ZNF865: variants seen among roughly 807,000 people sequenced by gnomAD.
ZNF865 encodes the protein zinc finger protein 865.
For synonymous variants in ZNF865, 763 were observed against 750.8 expected, an observed-to-expected ratio of 1.02 and a Z score of -0.27; for missense variants, 1,311 against 1,593.4, an observed-to-expected ratio of 0.82 and a Z score of 3.02.
At chr19:55,608,046 T>C (rs925867989) in intron 1 of ZNF865, among the ~76,000 whole-genome samples, 3 of 152,172 alleles carry the variant, frequency 2.0e-5, no homozygotes, top group Non-Finnish European at 4.4e-5. Context: ...TTATAAATGA[T>C]GCTGAGCAGT....
At chr19:55,608,465 C>T (rs576606780) in intron 1 of ZNF865, among the ~76,000 whole-genome samples, 13 of 152,222 alleles carry the variant, frequency 8.5e-5, no homozygotes, top group Non-Finnish European at 1.9e-4. Context: ...CAGGCATGTG[C>T]CACCACGCCC....
At chr19:55,612,044 G>A (rs896392041) in intron 1 of ZNF865, among the ~76,000 whole-genome samples, 1 of 152,132 alleles carries the variant, frequency 6.6e-6, no homozygotes, top group Non-Finnish European at 1.5e-5. Context: ...CCCCACTAAG[G>A]GCAAGGATGG....
chr19:55,605,772 CG>C (rs1806993848), intron 1 of ZNF865, 40 bp downstream of exon 1: 1 of 128,250 alleles, frequency 7.8e-6, no homozygotes, highest in Non-Finnish European at 1.7e-5. Context: ...CCGGGTGCAG[CG>C]GGGGCGGGGG....
At position 55,614,888 on chromosome 19, in the gene ZNF865, A is replaced by C; in HGVS notation, c.1270A>C (p.Lys424Gln). The change falls in exon 2 of 2, where the codon AAG becomes CAG. Residue 424 changes from lysine to glutamine, a missense_variant. Lys to Gln is a moderately conservative substitution (Grantham distance 53). Transcript: ENST00000568956. This position sits in a 1 kb window ranked among gnomAD's most constrained non-coding sequence, Gnocchi z 8.0. ...KAFRDASYLL[K>Q]HQAAHAGAGA... ...CTTCCGCGACGCCTCCTACCTCCTCAAGCACCAGGCGGCCCACGCGGGGGC... is the reference window on the plus strand; with the variant it reads ...CTTCCGCGACGCCTCCTACCTCCTCCAGCACCAGGCGGCCCACGCGGGGGC... 1.3e-6 allele frequency: 2 copies of C among 1,500,800 alleles called. No individual in the cohort carries two copies. The highest frequency in any genetic ancestry group is 1.8e-6 in the Non-Finnish European group (2 of 1,129,004). 93.0% of individuals were successfully genotyped at this position (1,500,800 alleles called of 1,614,324 possible).
chr19:55,606,498 G>T (rs1980948419), intron 1 of ZNF865, among the ~76,000 whole-genome samples: 1 of 152,132 alleles, frequency 6.6e-6, no homozygotes, highest in African/African-American at 2.4e-5. Flanking sequence ...CCCTCATCGC[G>T]GTCAGCCCGT....
In ZNF865 at chr19:55,615,242, G is replaced by A. The variant is rs1180046283; in HGVS notation, c.1624G>A (p.Gly542Ser). The A allele has an allele frequency of 1.3e-6, 2 of 1,512,908 alleles. No individual in the cohort carries two copies. The highest frequency in any genetic ancestry group is 5.2e-5 in the East Asian group (2 of 38,564). The allele number at this position is 1,512,908 out of a possible 1,614,324, so 93.7% of individuals were successfully genotyped here. The change falls in exon 2 of 2, where the codon GGC becomes AGC. Residue 542 changes from glycine to serine, a missense_variant. Gly to Ser is a moderately conservative substitution (Grantham distance 56). Transcript: ENST00000568956. ...GGGGACCAGCGGGGCGGGAGGCTCG[G>A]GCGCCAGCGTCCCAGGAAAGACGTT... ...GAGTSGAGGS[G>S]ASVPGKTFCC... is the part of the protein sequence containing the mutation.
Position 55,615,158 on chromosome 19 carries a change from G to A in ZNF865, c.1540G>A (p.Val514Met). ...EKAAAAAAAVVYGAVPVPLLG... is the reference protein window; with the variant it reads ...EKAAAAAAAVMYGAVPVPLLG... ...GGCGGCGGCGGCCGCGGCGGCGGTGGTGTACGGCGCTGTGCCCGTCCCGCT... is the reference window on the plus strand; with the variant it reads ...GGCGGCGGCGGCCGCGGCGGCGGTGATGTACGGCGCTGTGCCCGTCCCGCT... Residue 514 changes from valine to methionine, a missense_variant, in exon 2 of 2, where the codon GTG becomes ATG. Physicochemically the swap from Val to Met is conservative, Grantham distance 21 (BLOSUM62 1). Transcript: ENST00000568956. The A allele has an allele frequency of 7.8e-7, 1 of 1,288,772 alleles. No homozygotes were observed. The highest frequency in any genetic ancestry group is 9.8e-7 in the Non-Finnish European group (1 of 1,020,418). 79.8% of individuals were successfully genotyped at this position (1,288,772 alleles called of 1,614,324 possible). A position where few individuals can be genotyped will look rare whatever the true frequency, so the allele number is the denominator to read the frequency against.
At chr19:55,613,553 C>T in intron 1 of ZNF865, 40 bp from the exon 2 acceptor site, 3 of 1,438,842 alleles carry the variant, frequency 2.1e-6, no homozygotes, top group Non-Finnish European at 9.1e-7. Context: ...GGAGACCCAG[C>T]GCCGCGGCCG....
In ZNF865 at chr19:55,613,726, C is replaced by A; in HGVS notation, c.108C>A (p.Phe36Leu). The A allele has an allele frequency of 1.3e-6, 2 of 1,534,708 alleles. No individual in the cohort carries two copies. The highest frequency in any genetic ancestry group is 1.7e-6 in the Non-Finnish European group (2 of 1,146,252). ...GCTACCCCTTCGACTTCCTGGAATT[C>A]CTCAACCACCAGCGCTTCGAGCCCA... ...FQSYPFDFLE[F>L]LNHQRFEPME... The change falls in exon 2 of 2, where the codon TTC becomes TTA. Residue 36 changes from phenylalanine (F) to leucine (L), a missense_variant. Coordinates refer to ENST00000568956, the MANE Select transcript of ZNF865 (RefSeq NM_001195605.2).
In ZNF865 at chr19:55,611,560, G is replaced by A. The variant is rs1021546244; in HGVS notation, c.-26-2033G>A. ...CATGGGATGTTGAGTCTTGTCCAAG[G>A]ACAAGGACACCCGGAGCTGGAGACT... On this transcript the variant is annotated intron_variant, in intron 1 of 1. Transcript: ENST00000568956. The surrounding 1 kb of genome is among the most constrained non-coding windows in gnomAD (Gnocchi z 4.5). Among the ~76,000 whole-genome samples, 1 of 152,150 alleles carries A rather than the reference G, an allele frequency of 6.6e-6. No homozygotes were observed. The highest frequency in any genetic ancestry group is 2.4e-5 in the African/African-American group (1 of 41,426).
At chr19:55,608,935 G>A (rs929402350) in intron 1 of ZNF865, among the ~76,000 whole-genome samples, 2 of 152,146 alleles carry the variant, frequency 1.3e-5, no homozygotes, top group Admixed American at 6.6e-5. Context: ...GAGAAATACC[G>A]AAAGACAGCA....
Position 55,615,490 on chromosome 19 carries a change from C to T in ZNF865, c.1872C>T (p.His624=). 1 of 1,511,074 alleles carries T rather than the reference C, an allele frequency of 6.6e-7. No individual in the cohort carries two copies. The highest frequency in any genetic ancestry group is 1.2e-5 in the South Asian group (1 of 80,818). 93.6% of individuals were successfully genotyped at this position (1,511,074 alleles called of 1,614,324 possible). ...VFGYPQSLTR[H]RQVHRLQLPC... The stretch of plus-strand genomic sequence containing the variant: ...GCTACCCGCAGAGCCTCACCCGCCA[C>T]CGCCAGGTGCACCGGCTCCAGCTGC... Residue 624 remains histidine, a synonymous_variant, in exon 2 of 2, where the codon CAC becomes CAT. Transcript: ENST00000568956.
rs1376942109 is a variant in ZNF865, at chr19:55,616,389, G to A, written c.2771G>A (p.Arg924Gln). The A allele has an allele frequency of 6.0e-6, 9 of 1,508,350 alleles. No individual in the cohort carries two copies. Among genetic ancestry groups the A allele is most frequent in the Non-Finnish European group, 7.9e-6 (9 of 1,134,818 alleles). The allele number at this position is 1,508,350 out of a possible 1,614,324, so 93.4% of individuals were successfully genotyped here. A position where few individuals can be genotyped will look rare whatever the true frequency, so the allele number is the denominator to read the frequency against. ...AQSSSLAEHR[R>Q]LHAVARPQRC... ...TCGTCCAGCCTGGCAGAGCACCGGC[G>A]GCTGCACGCTGTGGCCCGGCCCCAG... Residue 924 changes from arginine to glutamine, a missense_variant, in exon 2 of 2, where the codon CGG (arginine) becomes CAG (glutamine). Transcript: ENST00000568956.
rs1157981759 is a variant in ZNF865, at chr19:55,615,007, C to T, written c.1389C>T (p.His463=). ...GCCTGCTCCGCCACAAGGCCGCCCA[C>T]GCCCCGCCCGCTGCCGCTGCGGAGG... ...PQSLLRHKAA[H]APPAAAAEAP... is the part of the protein sequence containing the mutation. The change falls in exon 2 of 2, where the codon CAC becomes CAT. Residue 463 remains histidine, a synonymous_variant. Transcript: ENST00000568956. 6.6e-6 allele frequency: 9 copies of T among 1,363,078 alleles called. No individual in the cohort carries two copies. The highest frequency in any genetic ancestry group is 8.5e-6 in the Non-Finnish European group (9 of 1,063,940). 84.4% of individuals were successfully genotyped at this position (1,363,078 alleles called of 1,614,324 possible).
chr19:55,613,894 C>CTCCTCGTCCTCG lies in ZNF865; in HGVS notation c.288_299dup (p.Ser114_Ser117dup). 6.6e-6 allele frequency: 10 copies of CTCCTCGTCCTCG among 1,515,204 alleles called. No individual in the cohort carries two copies. The highest frequency in any genetic ancestry group is 1.4e-5 in the African/African-American group (1 of 72,016). 93.9% of individuals were successfully genotyped at this position (1,515,204 alleles called of 1,614,324 possible). ...CCTTCAAGCCCAAGGCGGAGGTGCC[C>CTCCTCGTCCTCG]TCCTCGTCCTCGTCCTCGTCCTCCT... On this transcript the variant is annotated inframe_insertion, in exon 2 of 2. Coordinates refer to ENST00000568956, the MANE Select transcript of ZNF865 (RefSeq NM_001195605.2).
rs1413309619 is a variant in ZNF865 at position 55,611,619 on chromosome 19, G to T, written c.-26-1974G>T. On this transcript the variant is annotated intron_variant, in intron 1 of 1. Coordinates refer to ENST00000568956, the MANE Select transcript of ZNF865 (RefSeq NM_001195605.2). This position sits in a 1 kb window ranked among gnomAD's most constrained non-coding sequence, Gnocchi z 4.5. ...CTCACTCCAGGATGGCGTTTGGGGT[G>T]GGGGTGGAAGAGACACTCACCCCTC... Among the ~76,000 whole-genome samples, 1 of 152,162 alleles carries T rather than the reference G, an allele frequency of 6.6e-6. No homozygotes were observed. Among genetic ancestry groups the T allele is most frequent in the Admixed American group, 6.5e-5 (1 of 15,290 alleles).
Position 55,614,870 on chromosome 19 carries a change from GACGCCTCCT to G in ZNF865, c.1255_1263del (p.Ala419_Tyr421del). 2.0e-6 allele frequency: 3 copies of G among 1,516,318 alleles called. No individual in the cohort carries two copies. The highest frequency in any genetic ancestry group is 2.6e-6 in the Non-Finnish European group (3 of 1,135,912). The allele number at this position is 1,516,318 out of a possible 1,614,324, so 93.9% of individuals were successfully genotyped here. A position where few individuals can be genotyped will look rare whatever the true frequency, so the allele number is the denominator to read the frequency against. ...CGGCATCTGCGGGAAGGCCTTCCGC[GACGCCTCCT>G]ACCTCCTCAAGCACCAGGCGGCCCA... On this transcript the variant is annotated inframe_deletion, in exon 2 of 2. Transcript: ENST00000568956. This position sits in a 1 kb window ranked among gnomAD's most constrained non-coding sequence, Gnocchi z 8.0.
At position 55,614,748 on chromosome 19, in the gene ZNF865, C is replaced by T; in HGVS notation, c.1130C>T (p.Pro377Leu). 1.3e-6 allele frequency: 2 copies of T among 1,585,334 alleles called. No homozygotes were observed. Among genetic ancestry groups the T allele is most frequent in the Non-Finnish European group, 1.7e-6 (2 of 1,173,688 alleles). ...CAGATCATCCACACGGGCGAGAAGC[C>T]CTTCTCCTGCTCCGTGTGCAGCAAA... ...QHQIIHTGEK[P>L]FSCSVCSKSF... is the part of the protein sequence containing the mutation. The change falls in exon 2 of 2, where the codon CCC (proline) becomes CTC (leucine). Residue 377 changes from proline (P) to leucine (L), a missense_variant. Pro to Leu is a moderately conservative substitution (Grantham distance 98). Transcript: ENST00000568956. The surrounding 1 kb of genome is among the most constrained non-coding windows in gnomAD (Gnocchi z 8.0).
At chr19:55,609,490 C>T (rs1309866322) in intron 1 of ZNF865, among the ~76,000 whole-genome samples, 2 of 152,174 alleles carry the variant, frequency 1.3e-5, no homozygotes, top group African/African-American at 2.4e-5. Context: ...GTGTTATATG[C>T]GCACGTTACT....
Sources: allele counts gnomAD v4.1 joint callset (sites outside exome capture counted in the v4.1 genomes callset), GRCh38; gene constraint gnomAD v4.1.1; non-coding constraint Gnocchi (gnomAD v3.1); transcripts MANE v1.5; gene names NCBI Gene and HGNC (gene_info 2026-07-23, HGNC 2026-07-21).